The following ACRBP variants were observed in gnomAD, a reference collection of about 807,000 sequenced individuals.
ACRBP encodes acrosin binding protein, also known as acrosin-binding protein.
In ACRBP, 52 loss-of-function variants were observed where a neutral mutation model predicts 69.0. The ratio of observed to expected loss-of-function variants is 0.75; its 90% CI spans 0.60 to 0.95. ACRBP has a LOEUF of 0.95. ACRBP is among the 40% of genes least tolerant of loss of function. The probability of loss-of-function intolerance (pLI) is 0.00; values close to 1 mark genes in which losing one functional copy is unlikely to be tolerated. For missense variants in ACRBP, 604 were observed against 673.0 expected, an observed-to-expected ratio of 0.90 and a Z score of 1.13; for synonymous variants, 267 against 258.9, an observed-to-expected ratio of 1.03 and a Z score of -0.30.
At chr12:6,647,051 C>T in intron 1 of ACRBP, 39 bp from the exon 2 acceptor site, 1 of 1,572,890 alleles carries the variant, frequency 6.4e-7, no homozygotes, top group Non-Finnish European at 8.7e-7. Flanking sequence ...GGACCGAACC[C>T]CAAAACCCGC....
intron 8 of ACRBP, 53 bp from the exon 9 acceptor site, chr12:6,639,090 G>T: frequency 1.3e-6 from 2 of 1,516,018 alleles, no homozygotes; most frequent in Non-Finnish European, 1.8e-6. Flanking sequence ...TCACCAGGCA[G>T]CAGCACTCCA....
At chr12:6,643,111 C>G (rs371303005) in intron 6 of ACRBP, among the ~76,000 whole-genome samples, 1 of 152,066 alleles carries the variant, frequency 6.6e-6, no homozygotes, top group Non-Finnish European at 1.5e-5. Flanking sequence ...AAAATTTAGC[C>G]AGGCATGGTG....
In ACRBP at chr12:6,640,447, ACTG is replaced by A; in HGVS notation, c.1150_1152del (p.Gln384del). ...CGCTGCAGGCTGGCCTCTGAGTGGC[ACTG>A]CTCCAGCTTCAAGGAGCAGAAGTCA... On this transcript the variant is annotated inframe_deletion, in exon 7 of 10. Transcript: ENST00000229243. This position sits in a 1 kb window ranked among gnomAD's most constrained non-coding sequence, Gnocchi z 5.3. 1.9e-6 allele frequency: 3 copies of A among 1,614,116 alleles called. No homozygotes were observed. The highest frequency in any genetic ancestry group is 2.5e-6 in the Non-Finnish European group (3 of 1,180,016).
rs367935466 is a variant in ACRBP at position 6,638,266 on chromosome 12, C to T, written c.*16G>A. On this transcript the variant is annotated 3_prime_UTR_variant, in exon 10 of 10. Transcript: ENST00000229243. ...TGGGCAGGTTGGGCTGGGGTGTGGG[C>T]AGAATAGACGCCAGCTCATCCGAAC... 1 of 1,613,180 alleles carries T rather than the reference C, an allele frequency of 6.2e-7. No homozygotes were observed. The highest frequency in any genetic ancestry group is 1.3e-5 in the African/African-American group (1 of 74,872).
Position 6,640,183 on chromosome 12 carries a change from G to A in ACRBP, c.1302C>T (p.Tyr434=), listed in dbSNP as rs749150311. The A allele has an allele frequency of 5.6e-6, 9 of 1,614,040 alleles. No individual in the cohort carries two copies. Among genetic ancestry groups the A allele is most frequent in the Admixed American group, 3.3e-5 (2 of 59,988 alleles). ...ACCAGAAGTCCATGTGGAGCCCACC[G>A]TACAAATCCAGCCCGTAAAAGCGGC... ...ESGRFYGLDL[Y]GGLHMDFWCA... is the part of the protein sequence containing the mutation. Residue 434 remains tyrosine (Y), a synonymous_variant, in exon 8 of 10, where the codon TAC becomes TAT. Coordinates refer to ENST00000229243, the MANE Select transcript of ACRBP (RefSeq NM_032489.3). The surrounding 1 kb of genome is among the most constrained non-coding windows in gnomAD (Gnocchi z 5.3).
At chr12:6,645,664 T>TG (rs1555078410) in intron 3 of ACRBP, among the ~76,000 whole-genome samples, 1 of 26,404 alleles carries the variant, frequency 3.8e-5, no homozygotes, top group African/African-American at 1.1e-4. Flanking sequence ...TTTGTTTTTT[T>TG]TGTTTTTTTT....
chr12:6,639,336 G>A lies in ACRBP; in HGVS notation c.1426-299C>T, dbSNP rs534389011. Among the ~76,000 whole-genome samples the A allele has an allele frequency of 1.7e-4, 26 of 152,332 alleles. No individual in the cohort carries two copies. In the East Asian group the frequency reaches 2.9e-3, roughly 17 times the overall value. On this transcript the variant is annotated intron_variant, in intron 8 of 9. Transcript: ENST00000229243. ...GGGGTAGATAAGGGTCCAGAACATG[G>A]GACAGGGACCCGATTAGTGGCCTGA...
In ACRBP at chr12:6,647,420, A is replaced by AAGCCGCAGAGAG. The variant is rs1949099952; in HGVS notation, c.-66_-55dup. ...GGACACAAGCCGCCTCTAACGGGCC[A>AAGCCGCAGAGAG]AGCCGCAGAGAGAGCCGCAGGCGCG... is the stretch of plus-strand genomic sequence containing the variant. On this transcript the variant is annotated 5_prime_UTR_variant, in exon 1 of 10. Coordinates refer to ENST00000229243, the MANE Select transcript of ACRBP (RefSeq NM_032489.3). 1.4e-5 allele frequency: 21 copies of AAGCCGCAGAGAG among 1,475,702 alleles called. No individual in the cohort carries two copies. The highest frequency in any genetic ancestry group is 3.9e-5 in the South Asian group (3 of 76,964). The allele number at this position is 1,475,702 out of a possible 1,614,324, so 91.4% of individuals were successfully genotyped here.
chr12:6,647,059 C>A (rs369025627), intron 1 of ACRBP, 47 bp from the exon 2 acceptor site: 2 of 1,549,396 alleles, frequency 1.3e-6, no homozygotes, highest in East Asian at 2.3e-5. Context: ...CCCCAAAACC[C>A]GCTCCGAGAC....
At position 6,640,540 on chromosome 12, in the gene ACRBP, G is replaced by T. The variant is rs754645051; in HGVS notation, c.1078-18C>A. The T allele has an allele frequency of 6.2e-7, 1 of 1,610,362 alleles. No individual in the cohort carries two copies. The highest frequency in any genetic ancestry group is 8.5e-7 in the Non-Finnish European group (1 of 1,177,832). ...TCACAGACCTGGGGCAGGGGAATGG[G>T]TGAGGCTGAAGCTGAGAGTCAGCGG... On this transcript the variant is annotated intron_variant, in intron 6 of 9. Transcript: ENST00000229243. The surrounding 1 kb of genome is among the most constrained non-coding windows in gnomAD (Gnocchi z 5.3).
At chr12:6,639,071 T>A (rs923937497) in intron 8 of ACRBP, 34 bp from the exon 9 acceptor site, 21 of 1,581,028 alleles carry the variant, frequency 1.3e-5, no homozygotes, top group Non-Finnish European at 1.8e-5. Flanking sequence ...GAAGAGGGTA[T>A]CAGAAGCCTC....
At chr12:6,644,664 C>T in intron 4 of ACRBP, 59 bp from the exon 5 acceptor site, 1 of 1,539,182 alleles carries the variant, frequency 6.5e-7, no homozygotes. Flanking sequence ...CCCTGAGTGT[C>T]TTTGTTCACA....
rs367723803 is a variant in ACRBP, at chr12:6,644,461, G to C, written c.620C>G (p.Pro207Arg). 2.5e-6 allele frequency: 4 copies of C among 1,613,674 alleles called. No homozygotes were observed. Among genetic ancestry groups the C allele is most frequent in the East Asian group, 2.2e-5 (1 of 44,846 alleles). Residue 207 changes from proline to arginine, a missense_variant, in exon 5 of 10, where the codon CCG becomes CGG. Physicochemically the swap from Pro to Arg is moderately radical, Grantham distance 103. Around this residue, in one of 3 missense-constraint regions of ACRBP, gnomAD observed 532 missense variants for 562.9 expected, o/e 0.95. Transcript: ENST00000229243. ...CTCTTCCTGCTTGTGTTCTTGTGTC[G>C]GCTCCTGCCTGTGCTCCACTCCTTG... Reference protein sequence around the residue: ...QEQGVEHRQEPTQEHKQEEGQ... With the variant: ...QEQGVEHRQERTQEHKQEEGQ...
chr12:6,641,743 T>C (rs955418937), intron 6 of ACRBP, among the ~76,000 whole-genome samples: 6 of 152,164 alleles, frequency 3.9e-5, no homozygotes, highest in African/African-American at 1.2e-4. Flanking sequence ...CTAATTTCAC[T>C]CATGAAATTT....
chr12:6,643,897 G>A (rs1949070245), intron 5 of ACRBP, among the ~76,000 whole-genome samples: 1 of 152,234 alleles, frequency 6.6e-6, no homozygotes, highest in African/African-American at 2.4e-5. Context: ...AAACAGGGCA[G>A]AGACAAGACC....
chr12:6,643,745 C>T lies in ACRBP; in HGVS notation c.945-74G>A. 2.5e-6 allele frequency: 4 copies of T among 1,577,010 alleles called. No homozygotes were observed. In the South Asian group the frequency reaches 3.4e-5, roughly 13 times the overall value. On this transcript the variant is annotated intron_variant, in intron 5 of 9. Coordinates refer to ENST00000229243, the MANE Select transcript of ACRBP (RefSeq NM_032489.3). ...AGGAAACTACATCCAGTCTCTTCCC[C>T]TTCCCTTAGTGTCTGCTTTGGTCAC...
Position 6,638,405 on chromosome 12 carries a change from C to T in ACRBP, c.1510-1G>A. 6.2e-7 allele frequency: 1 copy of T among 1,613,984 alleles called. No homozygotes were observed. On this transcript the variant is annotated splice_acceptor_variant, in intron 9 of 9. Coordinates refer to ENST00000229243, the MANE Select transcript of ACRBP (RefSeq NM_032489.3). LOFTEE classifies it high-confidence loss of function. Reference sequence around the variant, plus strand: ...TCTGCAGACATCTCATGCGGGACACCTACACAGAGATTCAGTGCAGACGGT... The same window carrying T: ...TCTGCAGACATCTCATGCGGGACACTTACACAGAGATTCAGTGCAGACGGT...
chr12:6,643,261 A>C (rs1949066080), intron 6 of ACRBP, among the ~76,000 whole-genome samples: 2 of 152,060 alleles, frequency 1.3e-5, no homozygotes, highest in Admixed American at 6.5e-5. Context: ...CTGTCTCAAA[A>C]AAAAAAGGAG....
chr12:6,639,295 G>T (rs565767980), intron 8 of ACRBP, among the ~76,000 whole-genome samples: 2 of 152,224 alleles, frequency 1.3e-5, no homozygotes, highest in Non-Finnish European at 2.9e-5. Context: ...CTGAGGAAGC[G>T]GGAATGGGGC....
Sources: gnomAD v4.1 joint callset for allele counts (sites outside exome capture counted in the v4.1 genomes callset) on GRCh38, gnomAD v4.1.1 for gene constraint, gnomAD v4.1.1 regional missense constraint, Gnocchi (gnomAD v3.1) non-coding constraint, MANE v1.5 for transcripts, NCBI Gene and HGNC (gene_info 2026-07-23, HGNC 2026-07-21) for gene names.